The following LHFPL3 variants were observed in gnomAD, a reference collection of about 807,000 sequenced individuals.
LHFPL3 encodes the protein LHFPL tetraspan subfamily member 3, also known as LHFPL tetraspan subfamily member 3 protein.
In LHFPL3, 5 loss-of-function variants were observed where a neutral mutation model predicts 19.3. That is an observed-to-expected ratio of 0.26 (90% confidence interval 0.14 to 0.54). LHFPL3 has a LOEUF of 0.54. Ranked by LOEUF, LHFPL3 falls within the 20% of genes least tolerant of loss-of-function variation. The pLI is 0.94. For synonymous variants in LHFPL3, 133 were observed against 126.2 expected (o/e 1.05, Z -0.36); for missense variants, 249 against 307.4 (o/e 0.81, Z 1.42).
chr7:104,832,283 A>G (rs1489549687), intron 2 of LHFPL3, among the ~76,000 whole-genome samples: 1 of 151,950 alleles, frequency 6.6e-6, no homozygotes, highest in Non-Finnish European at 1.5e-5. Context: ...CAATATTAAT[A>G]TCCCTAGCAT....
rs531189870 is a variant in LHFPL3 at position 104,457,194 on chromosome 7, G to A, written c.445+127970G>A. On this transcript the variant is annotated intron_variant, in intron 1 of 2. Transcript: ENST00000424859. ...GCAGGTTAGTTACATATGTATACAT[G>A]TGCCATGCTGGTGTGCTGCATCCAT... Among the ~76,000 whole-genome samples the A allele has an allele frequency of 1.6e-4, 25 of 152,086 alleles. No homozygotes were observed. The East Asian group carries it at 3.1e-3, about 19-fold the overall frequency.
intron 1 of LHFPL3, among the ~76,000 whole-genome samples, chr7:104,363,324 G>GA (rs1368359935): frequency 6.6e-5 from 10 of 152,344 alleles, no homozygotes; most frequent in Admixed American, 5.9e-4. Flanking sequence ...GCAGTTTCAA[G>GA]AATACAGCCT....
intron 1 of LHFPL3, among the ~76,000 whole-genome samples, chr7:104,682,474 A>C (rs1470739562): frequency 2.0e-5 from 3 of 152,210 alleles, no homozygotes; most frequent in Admixed American, 2.0e-4. Context: ...AAATGGGAAA[A>C]TGTGAGAACC....
intron 2 of LHFPL3, among the ~76,000 whole-genome samples, chr7:104,878,936 A>G (rs368124719): frequency 6.6e-6 from 1 of 152,190 alleles, no homozygotes; most frequent in African/African-American, 2.4e-5. Context: ...AAAAGCTTCT[A>G]GTTGTCTAGA....
chr7:104,614,839 C>A (rs1308406210), intron 1 of LHFPL3, among the ~76,000 whole-genome samples: 5 of 151,590 alleles, frequency 3.3e-5, no homozygotes, highest in African/African-American at 9.7e-5. Context: ...CAACCCCAAC[C>A]TCCCAGACTC....
In LHFPL3 at chr7:104,635,837, A is replaced by G. The variant is rs184298990; in HGVS notation, c.446-100838A>G. Among the ~76,000 whole-genome samples the G allele has an allele frequency of 2.6e-4, 39 of 152,178 alleles. No homozygotes were observed. The East Asian group carries it at 7.5e-3, about 29-fold the overall frequency. On this transcript the variant is annotated intron_variant, in intron 1 of 2. Transcript: ENST00000424859. Reference sequence around the variant, plus strand: ...CAGAGCTCAGTCCATCAAAGATGCAATAGAAAGCTAGAAGACTCTAAGAGG... The same window carrying G: ...CAGAGCTCAGTCCATCAAAGATGCAGTAGAAAGCTAGAAGACTCTAAGAGG...
intron 1 of LHFPL3, among the ~76,000 whole-genome samples, chr7:104,330,668 T>C (rs916015419): frequency 6.6e-6 from 1 of 152,188 alleles, no homozygotes; most frequent in African/African-American, 2.4e-5. Context: ...AGAGACTCCC[T>C]CCTTTACACA....
At chr7:104,450,844 T>C (rs1792423004) in intron 1 of LHFPL3, among the ~76,000 whole-genome samples, 2 of 152,228 alleles carry the variant, frequency 1.3e-5, no homozygotes, top group Non-Finnish European at 2.9e-5. Context: ...GCTTGTGCTC[T>C]GTGTTTGCCT....
At chr7:104,874,280 G>A (rs1791891815) in intron 2 of LHFPL3, among the ~76,000 whole-genome samples, 1 of 151,912 alleles carries the variant, frequency 6.6e-6, no homozygotes, top group Admixed American at 6.6e-5. Flanking sequence ...ACTCATAATT[G>A]CAATCTAATT....
chr7:104,784,046 T>G (rs1459554422), intron 2 of LHFPL3, among the ~76,000 whole-genome samples: 2 of 152,036 alleles, frequency 1.3e-5, no homozygotes, highest in Non-Finnish European at 2.9e-5. Flanking sequence ...CAACCCAGAG[T>G]GCTGCTGGTG....
rs563510778 is a variant in LHFPL3, at chr7:104,476,799, A to G, written c.445+147575A>G. Among the ~76,000 whole-genome samples the G allele has an allele frequency of 1.1e-4, 17 of 152,204 alleles. No individual in the cohort carries two copies. In the East Asian group the frequency reaches 3.1e-3, roughly 28 times the overall value. ...TTTTATTGCTAAATGAAAAAAAGAAATATTCTGGAGAAATTATTTGCACCA... is the reference window on the plus strand; with the variant it reads ...TTTTATTGCTAAATGAAAAAAAGAAGTATTCTGGAGAAATTATTTGCACCA... On this transcript the variant is annotated intron_variant, in intron 1 of 2. Transcript: ENST00000424859.
At chr7:104,835,397 T>A (rs1791071033) in intron 2 of LHFPL3, among the ~76,000 whole-genome samples, 1 of 151,928 alleles carries the variant, frequency 6.6e-6, no homozygotes, top group Non-Finnish European at 1.5e-5. Context: ...TAGGAGATTC[T>A]CTGTAGGCAC....
chr7:104,471,561 CAA>C (rs1046821459), intron 1 of LHFPL3, among the ~76,000 whole-genome samples: 14 of 152,270 alleles, frequency 9.2e-5, no homozygotes, highest in African/African-American at 3.4e-4. Context: ...AAAACTAGGA[CAA>C]AGAGTTTAAA....
At chr7:104,882,299 G>T (rs189551650) in intron 2 of LHFPL3, among the ~76,000 whole-genome samples, 4 of 152,194 alleles carry the variant, frequency 2.6e-5, no homozygotes, top group East Asian at 1.9e-4. Context: ...CCAGACTGGA[G>T]TGCAGTGGCA....
intron 1 of LHFPL3, among the ~76,000 whole-genome samples, chr7:104,512,267 T>TTAATAAAA: frequency 2.0e-5 from 3 of 152,110 alleles, no homozygotes; most frequent in Non-Finnish European, 4.4e-5. Flanking sequence ...AACAGTGATT[T>TTAATAAAA]CTTTATAGAG....
At chr7:104,522,460 G>C (rs1858781) in intron 1 of LHFPL3, among the ~76,000 whole-genome samples, 2 of 147,482 alleles carry the variant, frequency 1.4e-5, no homozygotes, top group African/African-American at 5.0e-5. Context: ...TGGGTGCAGC[G>C]CACCAGCATG....
chr7:104,601,220 G>A (rs1790959601), intron 1 of LHFPL3, among the ~76,000 whole-genome samples: 1 of 152,180 alleles, frequency 6.6e-6, no homozygotes, highest in African/African-American at 2.4e-5. Flanking sequence ...GATGAAGGGG[G>A]AAGGAGTGGA....
chr7:104,528,450 C>A (rs1400085306), intron 1 of LHFPL3, among the ~76,000 whole-genome samples: 4 of 151,948 alleles, frequency 2.6e-5, no homozygotes, highest in African/African-American at 9.7e-5. Context: ...TTCTTTTACC[C>A]CAGGCAGATA....
At chr7:104,383,848 T>C (rs1360984939) in intron 1 of LHFPL3, among the ~76,000 whole-genome samples, 2 of 152,238 alleles carry the variant, frequency 1.3e-5, no homozygotes, top group Non-Finnish European at 2.9e-5. Context: ...ATTTTGAATC[T>C]TGAATGTCAA....
Sources: gnomAD v4.1 joint callset for allele counts (sites outside exome capture counted in the v4.1 genomes callset) on GRCh38, gnomAD v4.1.1 for gene constraint, MANE v1.5 for transcripts, NCBI Gene and HGNC (gene_info 2026-07-23, HGNC 2026-07-21) for gene names.